Variants in LRCH1 observed in about 807,000 individuals in gnomAD.
LRCH1 encodes leucine-rich repeat and calponin homology domain-containing protein 1.
LRCH1 carries 23 observed loss-of-function variants against 94.9 expected under a neutral mutation model. That is an observed-to-expected ratio of 0.24 (90% CI 0.17 to 0.34). The LOEUF (loss-of-function observed/expected upper bound fraction) is 0.34, where lower values mean the gene tolerates loss of function less well. Ranked by LOEUF, LRCH1 falls within the 10% of genes least tolerant of loss-of-function variation. The pLI is 1.00. For synonymous variants in LRCH1, 364 were observed against 354.9 expected, an observed-to-expected ratio of 1.03 and a Z score of -0.29; for missense variants, 790 against 945.9, an observed-to-expected ratio of 0.84 and a Z score of 2.16.
At chr13:46,571,827 T>C (rs769732181) in intron 1 of LRCH1, among the ~76,000 whole-genome samples, 1 of 152,078 alleles carries the variant, frequency 6.6e-6, no homozygotes, top group Non-Finnish European at 1.5e-5. Context: ...ATGGGGTTGC[T>C]GTGATGACTA....
At chr13:46,574,581 A>G (rs1314991176) in intron 1 of LRCH1, among the ~76,000 whole-genome samples, 1 of 152,170 alleles carries the variant, frequency 6.6e-6, no homozygotes, top group African/African-American at 2.4e-5. Flanking sequence ...TTCTTTATCC[A>G]TTAGAAGACT....
intron 19 of LRCH1, among the ~76,000 whole-genome samples, chr13:46,737,069 G>A (rs1321571233): frequency 6.6e-6 from 1 of 152,098 alleles, no homozygotes; most frequent in African/African-American, 2.4e-5. Context: ...CCCCATAAAC[G>A]CAGTCCCAGG....
At chr13:46,571,052 GT>G (rs1187753956) in intron 1 of LRCH1, among the ~76,000 whole-genome samples, 3 of 152,224 alleles carry the variant, frequency 2.0e-5, no homozygotes, top group Non-Finnish European at 2.9e-5. Flanking sequence ...GATTTGCAGA[GT>G]GCTGAAATTC....
intron 3 of LRCH1, among the ~76,000 whole-genome samples, chr13:46,671,033 G>A (rs2138121548): frequency 6.6e-6 from 1 of 152,294 alleles, no homozygotes; most frequent in Non-Finnish European, 1.5e-5. Flanking sequence ...GCCTTCTGTG[G>A]TCAGGCCCCT....
intron 1 of LRCH1, among the ~76,000 whole-genome samples, chr13:46,622,359 A>G (rs889776514): frequency 6.6e-6 from 1 of 152,176 alleles, no homozygotes; most frequent in Non-Finnish European, 1.5e-5. Flanking sequence ...CCACTATTAA[A>G]TAGATTTTCA....
At chr13:46,634,831 T>C (rs980445345) in intron 1 of LRCH1, among the ~76,000 whole-genome samples, 6 of 151,220 alleles carry the variant, frequency 4.0e-5, no homozygotes, top group Non-Finnish European at 8.8e-5. Context: ...TGAGCCAACG[T>C]GTGGGTGGTT....
rs1339984690 is a variant in LRCH1 at position 46,715,607 on chromosome 13, G to A, written c.1702G>A (p.Ala568Thr). 1.3e-6 allele frequency: 2 copies of A among 1,537,158 alleles called. No homozygotes were observed. The highest frequency in any genetic ancestry group is 1.2e-5 in the South Asian group (1 of 84,062). The change falls in exon 16 of 20, where the codon GCA (alanine) becomes ACA (threonine). Residue 568 changes from alanine to threonine, a missense_variant. Ala to Thr is a moderately conservative substitution (Grantham distance 58). Coordinates refer to ENST00000389797, the MANE Select transcript of LRCH1 (RefSeq NM_001164211.2). ...PPISFNTLTQ[A>T]QTWDSSSYSV... The stretch of plus-strand genomic sequence containing the variant: ...TATCTCCTTCAACACACTTACACAG[G>A]CACAGACATGGGACAGCTCTAGCTA...
At chr13:46,664,199 G>A (rs911977651) in intron 2 of LRCH1, among the ~76,000 whole-genome samples, 1 of 152,138 alleles carries the variant, frequency 6.6e-6, no homozygotes, top group Non-Finnish European at 1.5e-5. Flanking sequence ...TATTTTAAAG[G>A]TGGCTAAAAT....
At chr13:46,685,482 C>G (rs997903646) in intron 4 of LRCH1, among the ~76,000 whole-genome samples, 1 of 152,104 alleles carries the variant, frequency 6.6e-6, no homozygotes, top group African/African-American at 2.4e-5. Flanking sequence ...AATGCCAGCC[C>G]AAATACATTG....
chr13:46,678,607 T>C (rs9567718), intron 3 of LRCH1, among the ~76,000 whole-genome samples: 94,128 of 152,042 alleles, frequency 0.62, 29,564 homozygotes, highest in South Asian at 0.72. Flanking sequence ...TCTACAGATA[T>C]CCTGTCCTCT....
chr13:46,578,310 A>T (rs971278985), intron 1 of LRCH1, among the ~76,000 whole-genome samples: 4 of 152,246 alleles, frequency 2.6e-5, no homozygotes, highest in South Asian at 2.1e-4. Context: ...GAAGCTTCCC[A>T]TGCAGACAAT....
At chr13:46,638,686 ATTTTATC>A (rs2051121957) in intron 1 of LRCH1, among the ~76,000 whole-genome samples, 2 of 152,234 alleles carry the variant, frequency 1.3e-5, no homozygotes, top group African/African-American at 4.8e-5. Context: ...AGGGACAATA[ATTTTATC>A]TTTGCTAACT....
intron 14 of LRCH1, among the ~76,000 whole-genome samples, 193 bp from the exon 15 acceptor site, chr13:46,712,331 TA>T (rs1872107439): frequency 6.6e-6 from 1 of 152,246 alleles, no homozygotes; most frequent in South Asian, 2.1e-4. Flanking sequence ...TGGGTCACTC[TA>T]AAACAAACAT....
intron 1 of LRCH1, among the ~76,000 whole-genome samples, chr13:46,570,792 G>A (rs1291571063): frequency 6.6e-6 from 1 of 152,216 alleles, no homozygotes; most frequent in African/African-American, 2.4e-5. Context: ...CAGAATGGCA[G>A]TCACAGAATT....
chr13:46,739,972 C>T (rs929015768), intron 19 of LRCH1, among the ~76,000 whole-genome samples: 2 of 152,060 alleles, frequency 1.3e-5, no homozygotes, highest in African/African-American at 2.4e-5. Flanking sequence ...TAGGGTTCTG[C>T]GAAATGTATT....
chr13:46,632,255 A>G (rs1200751545), intron 1 of LRCH1, among the ~76,000 whole-genome samples: 1 of 152,004 alleles, frequency 6.6e-6, no homozygotes, highest in East Asian at 1.9e-4. Context: ...CTTGATGTGT[A>G]CAGGACAAAA....
intron 1 of LRCH1, among the ~76,000 whole-genome samples, chr13:46,567,547 G>A (rs1246388062): frequency 7.1e-6 from 1 of 141,222 alleles, no homozygotes; most frequent in East Asian, 2.0e-4. Context: ...GTTTTAGAAA[G>A]CCTGGATAAA....
chr13:46,585,523 A>ATGTC lies in LRCH1; in HGVS notation c.307+31820_307+31821insTGTC, dbSNP rs2050423757. ...AGCAGAGATCATGCCACTGCACTCCAGCCTGGGCGACAGAGCGAGACTGCA... is the reference window on the plus strand; with the variant it reads ...AGCAGAGATCATGCCACTGCACTCCATGTCGCCTGGGCGACAGAGCGAGACTGCA... On this transcript the variant is annotated intron_variant, in intron 1 of 19. Coordinates refer to ENST00000389797, the MANE Select transcript of LRCH1 (RefSeq NM_001164211.2). Among the ~76,000 whole-genome samples the ATGTC allele has an allele frequency of 1.1e-4, 16 of 148,874 alleles. No homozygotes were observed. In the South Asian group the frequency reaches 3.0e-3, roughly 28 times the overall value.
At position 46,553,405 on chromosome 13, in the gene LRCH1, G is replaced by A. The variant is rs1237011080; in HGVS notation, c.9G>A (p.Thr3=). ...GGGGGGCCCGGGAGAAGATGGCGAC[G>A]CCGGGAAGCGAACCCCAACCTTTCG... MA[T]PGSEPQPFVP... The change falls in exon 1 of 20, where the codon ACG becomes ACA. Residue 3 remains threonine, a synonymous_variant. Coordinates refer to ENST00000389797, the MANE Select transcript of LRCH1 (RefSeq NM_001164211.2). The A allele has an allele frequency of 5.2e-6, 8 of 1,538,872 alleles. No homozygotes were observed. Among genetic ancestry groups the A allele is most frequent in the Non-Finnish European group, 7.0e-6 (8 of 1,145,044 alleles).
Sources: allele counts gnomAD v4.1 joint callset (sites outside exome capture counted in the v4.1 genomes callset), GRCh38; gene constraint gnomAD v4.1.1; transcripts MANE v1.5; gene names NCBI Gene and HGNC (gene_info 2026-07-23, HGNC 2026-07-21).